ZBTB7C: variants seen among roughly 807,000 people sequenced by gnomAD.
The protein encoded by ZBTB7C is zinc finger and BTB domain containing 7C.
A neutral mutation model predicts 25.7 loss-of-function variants in ZBTB7C; 8 were observed. That is an observed-to-expected ratio of 0.31 (90% CI 0.18 to 0.56). The LOEUF is 0.56. ZBTB7C is among the 20% of genes least tolerant of loss of function. ZBTB7C has a pLI of 0.91. For synonymous variants in ZBTB7C, 394 were observed against 369.0 expected, an observed-to-expected ratio of 1.07 and a Z score of -0.78; for missense variants, 824 against 855.2, an observed-to-expected ratio of 0.96 and a Z score of 0.46.
At chr18:48,102,037 G>T (rs1260239111) in intron 3 of ZBTB7C, among the ~76,000 whole-genome samples, 6 of 152,098 alleles carry the variant, frequency 3.9e-5, no homozygotes, top group Admixed American at 2.6e-4. Flanking sequence ...AAAAAAATAG[G>T]TTTTAAAAAC....
At chr18:48,069,937 C>T (rs763366479) in intron 3 of ZBTB7C, among the ~76,000 whole-genome samples, 1 of 152,116 alleles carries the variant, frequency 6.6e-6, no homozygotes. Flanking sequence ...AAGGGCTAGG[C>T]TCTTTATGTA....
intron 3 of ZBTB7C, among the ~76,000 whole-genome samples, chr18:48,140,751 G>C (rs2040315072): frequency 6.6e-6 from 1 of 152,148 alleles, no homozygotes; most frequent in African/African-American, 2.4e-5. Flanking sequence ...ACTCAAGCCA[G>C]AAACTCAGCG....
intron 2 of ZBTB7C, among the ~76,000 whole-genome samples, chr18:48,234,686 G>A (rs17822679): frequency 0.046 from 7,049 of 152,196 alleles, 250 homozygotes; most frequent in Middle Eastern, 0.1. Flanking sequence ...ATTCTCAATT[G>A]GACATATAGC....
chr18:48,319,459 T>C (rs1200116912), intron 2 of ZBTB7C, among the ~76,000 whole-genome samples: 2 of 152,168 alleles, frequency 1.3e-5, no homozygotes, highest in African/African-American at 2.4e-5. Context: ...ATTATGACCT[T>C]GGCACTATGG....
At chr18:48,263,459 A>G (rs1316411283) in intron 2 of ZBTB7C, among the ~76,000 whole-genome samples, 3 of 152,250 alleles carry the variant, frequency 2.0e-5, no homozygotes, top group African/African-American at 7.2e-5. Flanking sequence ...AGGATTAGAG[A>G]AAACAGAACT....
chr18:48,070,292 G>A (rs1384959214), intron 3 of ZBTB7C, among the ~76,000 whole-genome samples: 1 of 152,218 alleles, frequency 6.6e-6, no homozygotes, highest in Admixed American at 6.5e-5. Flanking sequence ...CATCCTGGAG[G>A]GGGACTACCT....
intron 3 of ZBTB7C, among the ~76,000 whole-genome samples, chr18:48,153,137 C>T (rs905589928): frequency 1.3e-5 from 2 of 152,250 alleles, no homozygotes; most frequent in Non-Finnish European, 2.9e-5. Context: ...CTCCTCTTCC[C>T]TTTGCCTTTA....
intron 2 of ZBTB7C, among the ~76,000 whole-genome samples, chr18:48,191,399 G>A (rs1396587068): frequency 6.6e-6 from 1 of 152,182 alleles, no homozygotes; most frequent in Non-Finnish European, 1.5e-5. Context: ...AGCAAACGGG[G>A]CATAATAACG....
At chr18:48,187,513 AT>A (rs1482938139) in intron 2 of ZBTB7C, among the ~76,000 whole-genome samples, 6 of 152,184 alleles carry the variant, frequency 3.9e-5, no homozygotes, top group African/African-American at 1.2e-4. Context: ...AGTCAAATCC[AT>A]AAAGACAAGA....
At chr18:48,106,930 G>A (rs980799020) in intron 3 of ZBTB7C, among the ~76,000 whole-genome samples, 4 of 152,144 alleles carry the variant, frequency 2.6e-5, no homozygotes, top group African/African-American at 7.2e-5. Context: ...TATATACCAG[G>A]CTCAGCAAGC....
chr18:48,316,660 A>C (rs2144825398), intron 2 of ZBTB7C, among the ~76,000 whole-genome samples: 1 of 152,276 alleles, frequency 6.6e-6, no homozygotes, highest in East Asian at 1.9e-4. Flanking sequence ...TCCATATGCC[A>C]GCTCCCCTTG....
At chr18:48,284,818 G>A (rs928964938) in intron 2 of ZBTB7C, among the ~76,000 whole-genome samples, 2 of 150,284 alleles carry the variant, frequency 1.3e-5, no homozygotes, top group Non-Finnish European at 3.0e-5. Context: ...AAAACAGAGA[G>A]AGAGAGAGAG....
At chr18:48,097,240 C>T (rs779435369) in intron 3 of ZBTB7C, among the ~76,000 whole-genome samples, 18 of 152,232 alleles carry the variant, frequency 1.2e-4, no homozygotes, top group African/African-American at 3.6e-4. Context: ...ATGGATCTTG[C>T]GTGACCATCT....
chr18:48,342,540 C>A (rs1032335707), intron 1 of ZBTB7C, among the ~76,000 whole-genome samples: 3 of 152,230 alleles, frequency 2.0e-5, no homozygotes, highest in Admixed American at 2.0e-4. Flanking sequence ...GAAAGGATTA[C>A]CCTGCACCTA....
chr18:48,411,172 G>A (rs2048381777), upstream of ZBTB7C, among the ~76,000 whole-genome samples: 1 of 152,182 alleles, frequency 6.6e-6, no homozygotes, highest in Admixed American at 6.5e-5. Context: ...AACTAGATAT[G>A]AATAGAGGGA....
At chr18:48,201,463 C>G (rs1408330087) in intron 2 of ZBTB7C, among the ~76,000 whole-genome samples, 1 of 152,122 alleles carries the variant, frequency 6.6e-6, no homozygotes, top group East Asian at 1.9e-4. Flanking sequence ...CTGGCCCTGC[C>G]TAGCACAGTC....
At chr18:48,215,515 G>A (rs915787574) in intron 2 of ZBTB7C, among the ~76,000 whole-genome samples, 10 of 152,196 alleles carry the variant, frequency 6.6e-5, no homozygotes, top group Admixed American at 4.6e-4. Context: ...CAAACCATTG[G>A]TGGATTCAAA....
At chr18:48,144,042 C>T (rs893046833) in intron 3 of ZBTB7C, among the ~76,000 whole-genome samples, 3 of 152,164 alleles carry the variant, frequency 2.0e-5, no homozygotes, top group South Asian at 2.1e-4. Flanking sequence ...CTTTGGGAGG[C>T]CGAGGTGGGC....
chr18:48,353,002 T>C (rs978742686), intron 1 of ZBTB7C, among the ~76,000 whole-genome samples: 2 of 152,166 alleles, frequency 1.3e-5, no homozygotes, highest in African/African-American at 2.4e-5. Flanking sequence ...CTGCTCTACA[T>C]TAAATCAGAA....
Sources: allele counts gnomAD v4.1 joint callset (sites outside exome capture counted in the v4.1 genomes callset), GRCh38; gene constraint gnomAD v4.1.1; transcripts MANE v1.5; gene names NCBI Gene and HGNC (gene_info 2026-07-23, HGNC 2026-07-21).